Variants in ZFHX3 observed in about 807,000 individuals in gnomAD.
ZFHX3 encodes the protein zinc finger homeobox 3.
Under a neutral mutation model 279.1 loss-of-function variants are expected in ZFHX3, and 42 were observed. The observed-to-expected ratio is 0.15, with a 90% CI of 0.12 to 0.19. The LOEUF (loss-of-function observed/expected upper bound fraction) is 0.19, where lower values mean the gene tolerates loss of function less well. ZFHX3 is among the 10% of genes least tolerant of loss of function. The probability of loss-of-function intolerance (pLI) is 1.00; values close to 1 mark genes in which losing one functional copy is unlikely to be tolerated. For missense variants in ZFHX3, 4,981 were observed against 4,754.0 expected (o/e 1.05, Z -1.40); for synonymous variants, 2,293 against 1,957.8 (o/e 1.17, Z -4.52).
In ZFHX3 at chr16:73,078,265, C is replaced by A. The variant is rs1231995684; in HGVS notation, c.-533+14970G>T. Among the ~76,000 whole-genome samples the A allele has an allele frequency of 2.0e-5, 3 of 152,296 alleles. 1 individual carries two copies. The highest frequency in any genetic ancestry group is 2.0e-4 in the Admixed American group (3 of 15,284). On this transcript the variant is annotated intron_variant, in intron 8 of 17. Coordinates refer to the ZFHX3 transcript ENST00000641206. ...CTGAAATCTCAGGGCTTCATAAAAA[C>A]CCAACATTTTCAGAATACGCCTGGC...
chr16:73,392,418 CAAAAAAAAAAA>C (rs35019692), intron 3 of ZFHX3, among the ~76,000 whole-genome samples: 3 of 35,782 alleles, frequency 8.4e-5, no homozygotes, highest in Admixed American at 4.8e-4. Context: ...GACCCTGTCT[CAAAAAAAAAAA>C]AAAAAAAAAA....
chr16:73,531,424 A>C (rs933004003), intron 2 of ZFHX3, among the ~76,000 whole-genome samples: 1 of 152,136 alleles, frequency 6.6e-6, no homozygotes, highest in African/African-American at 2.4e-5. Context: ...TTAATTAAGA[A>C]TATTTCCTGG....
chr16:72,861,091 C>G (rs543520428), intron 4 of ZFHX3, among the ~76,000 whole-genome samples: 1 of 152,164 alleles, frequency 6.6e-6, no homozygotes, highest in Non-Finnish European at 1.5e-5. Context: ...ACTCCCTAAC[C>G]CGCCATCCAC....
At chr16:73,748,412 T>C (rs949522670) in intron 1 of ZFHX3, among the ~76,000 whole-genome samples, 1 of 152,204 alleles carries the variant, frequency 6.6e-6, no homozygotes, top group Non-Finnish European at 1.5e-5. Flanking sequence ...CAATATCATG[T>C]AAATAAATTT....
chr16:73,644,083 AC>A (rs2052596817), intron 2 of ZFHX3, among the ~76,000 whole-genome samples: 1 of 151,980 alleles, frequency 6.6e-6, no homozygotes, highest in African/African-American at 2.4e-5. Context: ...TCCACCCACC[AC>A]AAACAACATG....
Position 73,432,297 on chromosome 16 carries a change from C to T in ZFHX3, c.-1291+23706G>A, listed in dbSNP as rs2017923765. 3.3e-5 allele frequency among the ~76,000 whole-genome samples: 5 copies of T among 152,294 alleles called. No individual in the cohort carries two copies. In the South Asian group the frequency reaches 1.0e-3, roughly 32 times the overall value. The stretch of plus-strand genomic sequence containing the variant: ...TACATCCAAGACTTGGCCTTGGGGT[C>T]TTCCACACAGCAATCTAGGCAGCCC... On this transcript the variant is annotated intron_variant, in intron 3 of 17. Transcript: ENST00000641206.
chr16:72,962,091 G>C (rs944207911), intron 1 of ZFHX3, among the ~76,000 whole-genome samples: 1 of 152,198 alleles, frequency 6.6e-6, no homozygotes, highest in Non-Finnish European at 1.5e-5. Context: ...AGGGTTAACA[G>C]CCCGATTGTA....
intron 2 of ZFHX3, among the ~76,000 whole-genome samples, chr16:73,659,047 A>T (rs1207694575): frequency 6.6e-6 from 1 of 152,182 alleles, no homozygotes; most frequent in Non-Finnish European, 1.5e-5. Flanking sequence ...AGATGGAGAG[A>T]GATGGCAAAA....
chr16:73,107,771 T>G (rs1310412440), intron 7 of ZFHX3, among the ~76,000 whole-genome samples: 1 of 152,146 alleles, frequency 6.6e-6, no homozygotes, highest in African/African-American at 2.4e-5. Flanking sequence ...GTAATCCCAC[T>G]TTGGGAGGCC....
At chr16:73,120,226 T>C (rs981383601) in intron 7 of ZFHX3, among the ~76,000 whole-genome samples, 2 of 152,160 alleles carry the variant, frequency 1.3e-5, no homozygotes, top group Non-Finnish European at 2.9e-5. Flanking sequence ...AATATTAAGC[T>C]GTTTAGAGTT....
At chr16:73,514,518 C>T (rs2019487310) in intron 2 of ZFHX3, among the ~76,000 whole-genome samples, 1 of 152,078 alleles carries the variant, frequency 6.6e-6, no homozygotes. Context: ...ATATCCTGAA[C>T]TATTATTTTT....
At chr16:73,835,196 A>G (rs367823796) in intron 1 of ZFHX3, among the ~76,000 whole-genome samples, 3 of 152,274 alleles carry the variant, frequency 2.0e-5, no homozygotes, top group East Asian at 1.9e-4. Flanking sequence ...TGCCTGTGAG[A>G]TGGGGAAGTA....
intron 1 of ZFHX3, among the ~76,000 whole-genome samples, chr16:73,017,306 G>T (rs1964137602): frequency 6.6e-6 from 1 of 152,208 alleles, no homozygotes; most frequent in Admixed American, 6.5e-5. Context: ...AGACGTGATG[G>T]GAATTTTCTA....
intron 4 of ZFHX3, among the ~76,000 whole-genome samples, chr16:72,885,335 C>A (rs1422187445): frequency 6.6e-6 from 1 of 152,248 alleles, no homozygotes; most frequent in South Asian, 2.1e-4. Context: ...AACCACGAGG[C>A]CTCTCAAGGA....
Position 72,950,563 on chromosome 16 carries a change from T to G in ZFHX3, c.3122A>C (p.Lys1041Thr). The change falls in exon 3 of 10, where the codon AAG (lysine) becomes ACG (threonine). Residue 1041 changes from lysine to threonine, a missense_variant. Transcript: ENST00000268489. The stretch of plus-strand genomic sequence containing the variant: ...GGTGTAGTAGTCACAGGCGTTGCAC[T>G]TGAGGTGCACGGGGTTGCCGATGGC... ...CVAIGNPVHL[K>T]CNACDYYTNS... 6.2e-7 allele frequency: 1 copy of G among 1,614,234 alleles called. No homozygotes were observed. Among genetic ancestry groups the G allele is most frequent in the Non-Finnish European group, 8.5e-7 (1 of 1,180,032 alleles).
At chr16:73,512,095 G>A (rs2019438224) in intron 2 of ZFHX3, among the ~76,000 whole-genome samples, 1 of 151,942 alleles carries the variant, frequency 6.6e-6, no homozygotes, top group African/African-American at 2.4e-5. Flanking sequence ...ACATGCTGCA[G>A]GAACAGCCGG....
intron 2 of ZFHX3, among the ~76,000 whole-genome samples, chr16:73,562,263 G>C (rs974423911): frequency 1.3e-5 from 2 of 152,156 alleles, no homozygotes; most frequent in Non-Finnish European, 1.5e-5. Flanking sequence ...CTGAAGTTCT[G>C]AATTGCAAAG....
chr16:73,243,234 G>A (rs1190658661), intron 5 of ZFHX3, among the ~76,000 whole-genome samples: 4 of 152,154 alleles, frequency 2.6e-5, no homozygotes, highest in Admixed American at 1.3e-4. Context: ...GTGTCCCTTC[G>A]TCCACTTCAT....
At chr16:73,133,238 G>A (rs564207110) in intron 6 of ZFHX3, among the ~76,000 whole-genome samples, 9 of 152,172 alleles carry the variant, frequency 5.9e-5, no homozygotes, top group South Asian at 4.2e-4. Flanking sequence ...GAGGTAATTC[G>A]GGGCTGGGCG....
Sources: allele counts gnomAD v4.1 joint callset (sites outside exome capture counted in the v4.1 genomes callset), GRCh38; gene constraint gnomAD v4.1.1; transcripts MANE v1.5; gene names NCBI Gene and HGNC (gene_info 2026-07-23, HGNC 2026-07-21).